The following PDE10A variants were observed in gnomAD, a reference collection of about 807,000 sequenced individuals.
The protein encoded by PDE10A is phosphodiesterase 10A.
In PDE10A, 39 loss-of-function variants were observed where a neutral mutation model predicts 97.7. That is an observed-to-expected ratio of 0.40 (90% CI 0.31 to 0.52). PDE10A has a LOEUF of 0.52. Among genes scored for constraint, PDE10A ranks in the 20% least tolerant of loss-of-function variants. The pLI is 0.56. For synonymous variants in PDE10A, 371 were observed against 376.8 expected, an observed-to-expected ratio of 0.98 and a Z score of 0.18; for missense variants, 731 against 1,047.8, an observed-to-expected ratio of 0.70 and a Z score of 4.17.
At chr6:165,837,766 A>G (rs1367744496) in intron 1 of PDE10A, among the ~76,000 whole-genome samples, 2 of 149,716 alleles carry the variant, frequency 1.3e-5, no homozygotes, top group Non-Finnish European at 3.0e-5. Context: ...GCTCACTGCA[A>G]GCTCCGCCTC....
intron 1 of PDE10A, among the ~76,000 whole-genome samples, chr6:165,597,708 A>G (rs565175569): frequency 6.6e-6 from 1 of 152,366 alleles, no homozygotes; most frequent in South Asian, 2.1e-4. Context: ...TCTTTTCCAG[A>G]TAGCTTAACA....
In PDE10A at chr6:165,336,008, A is replaced by C. The variant is rs568109164; in HGVS notation, c.3065+115T>G. 32 of 845,942 alleles carry C rather than the reference A, an allele frequency of 3.8e-5. No homozygotes were observed. The Middle Eastern group carries it at 1.1e-3, about 29-fold the overall frequency. The allele number at this position is 845,942 out of a possible 1,614,324, so 52.4% of individuals were successfully genotyped here. On this transcript the variant is annotated intron_variant, in intron 21 of 21. Coordinates refer to ENST00000539869, the MANE Select transcript of PDE10A (RefSeq NM_001385079.1). ...AGGCCCCGAGTCCCTGAGCACAACAACTCGACATCTAGACAAACACACAGA... is the reference window on the plus strand; with the variant it reads ...AGGCCCCGAGTCCCTGAGCACAACACCTCGACATCTAGACAAACACACAGA...
At chr6:165,485,231 A>G (rs571110109) in intron 2 of PDE10A, among the ~76,000 whole-genome samples, 14 of 152,026 alleles carry the variant, frequency 9.2e-5, no homozygotes, top group Non-Finnish European at 1.9e-4. Context: ...TAGCACTTTG[A>G]GAGGCCGAGG....
intron 1 of PDE10A, among the ~76,000 whole-genome samples, chr6:165,614,479 A>C (rs888444675): frequency 1.3e-5 from 2 of 151,996 alleles, no homozygotes; most frequent in Non-Finnish European, 2.9e-5. Flanking sequence ...CTCACACGCC[A>C]CTTCCCTCCT....
chr6:165,529,092 G>A (rs1421515796), intron 2 of PDE10A, among the ~76,000 whole-genome samples: 1 of 152,120 alleles, frequency 6.6e-6, no homozygotes, highest in African/African-American at 2.4e-5. Flanking sequence ...AAGAAACACT[G>A]CCACCAGGAC....
intron 1 of PDE10A, among the ~76,000 whole-genome samples, chr6:165,624,005 T>C (rs886419383): frequency 1.3e-5 from 2 of 152,210 alleles, no homozygotes; most frequent in African/African-American, 2.4e-5. Context: ...GGAAAGTGAA[T>C]GAAGTACTCT....
intron 1 of PDE10A, among the ~76,000 whole-genome samples, chr6:165,556,994 C>T (rs547880109): frequency 6.6e-5 from 10 of 152,030 alleles, no homozygotes; most frequent in African/African-American, 9.7e-5. Flanking sequence ...CAAAAATTAG[C>T]CGGGCGTGGT....
At position 165,556,987 on chromosome 6, in the gene PDE10A, A is replaced by C. The variant is rs1174408631; in HGVS notation, c.866-13419T>G. Among the ~76,000 whole-genome samples, 8 of 152,064 alleles carry C rather than the reference A, an allele frequency of 5.3e-5. No homozygotes were observed. The East Asian group carries it at 1.5e-3, about 29-fold the overall frequency. ...AACCCTGTCTCTACTAAAAATACAA[A>C]AATTAGCCGGGCGTGGTGGCATGCG... On this transcript the variant is annotated intron_variant, in intron 1 of 21. Coordinates refer to ENST00000539869, the MANE Select transcript of PDE10A (RefSeq NM_001385079.1).
intron 3 of PDE10A, among the ~76,000 whole-genome samples, chr6:165,472,073 T>C (rs1157668840): frequency 6.6e-6 from 1 of 152,122 alleles, no homozygotes; most frequent in African/African-American, 2.4e-5. Context: ...ATGTAGAAAT[T>C]TTCTCCTCTT....
rs185611138 is a variant in PDE10A at position 165,644,334 on chromosome 6, T to C, written c.865+17613A>G. Reference sequence around the variant, plus strand: ...CCTCGGCCTCCCAAAGTGCTGGGATTACAGGCATGAGCCACCATGCCCGGC... The same window carrying C: ...CCTCGGCCTCCCAAAGTGCTGGGATCACAGGCATGAGCCACCATGCCCGGC... On this transcript the variant is annotated intron_variant, in intron 1 of 21. Coordinates refer to ENST00000539869, the MANE Select transcript of PDE10A (RefSeq NM_001385079.1). Among the ~76,000 whole-genome samples, 280 of 152,318 alleles carry C rather than the reference T, an allele frequency of 1.8e-3. 1 individual carries two copies. The highest frequency in any genetic ancestry group is 6.2e-3 in the African/African-American group (259 of 41,574).
chr6:165,336,315 A>G, intron 20 of PDE10A, 104 bp from the exon 21 acceptor site: 4 of 739,898 alleles, frequency 5.4e-6, no homozygotes, highest in Non-Finnish European at 9.3e-6. Context: ...AGGCCTAATT[A>G]TAAAATTGCA....
intron 1 of PDE10A, among the ~76,000 whole-genome samples, chr6:165,687,488 A>G (rs927714282): frequency 6.6e-5 from 10 of 152,218 alleles, no homozygotes; most frequent in African/African-American, 2.4e-4. Context: ...GACTTTAACT[A>G]TTGTTTAACC....
intron 1 of PDE10A, among the ~76,000 whole-genome samples, chr6:165,875,731 G>GTTTTTT (rs748111095): frequency 7.7e-4 from 36 of 46,910 alleles, no homozygotes; most frequent in African/African-American, 2.4e-3. Context: ...TTCTTTTACT[G>GTTTTTT]TTTTTTTTTT....
chr6:165,443,611 G>A (rs962778784), intron 5 of PDE10A, among the ~76,000 whole-genome samples: 2 of 152,196 alleles, frequency 1.3e-5, no homozygotes, highest in Non-Finnish European at 2.9e-5. Context: ...CTGTGTGGGG[G>A]ACCAAATCCC....
intron 1 of PDE10A, among the ~76,000 whole-genome samples, chr6:165,692,294 A>G (rs1562688201): frequency 6.6e-6 from 1 of 152,182 alleles, no homozygotes; most frequent in Non-Finnish European, 1.5e-5. Context: ...GCTGGGATCA[A>G]GCGTGCTAAA....
chr6:165,706,220 T>G (rs917484512), intron 1 of PDE10A, among the ~76,000 whole-genome samples: 5 of 152,210 alleles, frequency 3.3e-5, no homozygotes, highest in African/African-American at 1.2e-4. Flanking sequence ...TGGGGCGACA[T>G]GAATATTTCA....
intron 1 of PDE10A, among the ~76,000 whole-genome samples, chr6:165,606,438 C>T (rs1583632493): frequency 6.6e-6 from 1 of 152,296 alleles, no homozygotes; most frequent in Non-Finnish European, 1.5e-5. Flanking sequence ...CAAGACCAAA[C>T]ACCATGCAGA....
At chr6:165,345,869 AAAATCAAT>A (rs150397920) in intron 18 of PDE10A, among the ~76,000 whole-genome samples, 9 of 152,298 alleles carry the variant, frequency 5.9e-5, no homozygotes, top group East Asian at 1.9e-4. Context: ...GTGCTGGGTA[AAAATCAAT>A]AAATCAATAA....
chr6:165,746,081 G>C (rs375208248), intron 1 of PDE10A, among the ~76,000 whole-genome samples: 1 of 152,216 alleles, frequency 6.6e-6, no homozygotes, highest in African/African-American at 2.4e-5. Flanking sequence ...TGTGCATTTT[G>C]TTGGGCCCTG....
Sources: gnomAD v4.1 joint callset for allele counts (sites outside exome capture counted in the v4.1 genomes callset) on GRCh38, gnomAD v4.1.1 for gene constraint, MANE v1.5 for transcripts, NCBI Gene and HGNC (gene_info 2026-07-23, HGNC 2026-07-21) for gene names.